The following TXLNB variants were observed in gnomAD, a reference collection of about 807,000 sequenced individuals.
TXLNB encodes the protein taxilin beta, also known as beta-taxilin.
A neutral mutation model predicts 57.4 loss-of-function variants in TXLNB; 37 were observed. That is an observed-to-expected ratio of 0.64 (90% CI 0.50 to 0.85). The LOEUF (loss-of-function observed/expected upper bound fraction) is 0.85, where lower values mean the gene tolerates loss of function less well. Among genes scored for constraint, TXLNB ranks in the 40% least tolerant of loss-of-function variants. TXLNB has a pLI of 0.00. For missense variants in TXLNB, 848 were observed against 825.6 expected (o/e 1.03, Z -0.33); for synonymous variants, 302 against 309.6 (o/e 0.98, Z 0.26).
chr6:139,200,083 G>A, the TXLNB span: 1 of 152,164 alleles, frequency 6.6e-6, no homozygotes, highest in Non-Finnish European at 1.5e-5. Context: ...ATTCCTGGAA[G>A]ATATGGGACT....
chr6:139,283,525 G>A (rs7749757), intron 2 of TXLNB, among the ~76,000 whole-genome samples: 31,604 of 137,794 alleles, frequency 0.23, 7,361 homozygotes, highest in African/African-American at 0.47. Context: ...GTGGTGAGCC[G>A]AGATCGCACC....
the TXLNB span, among the ~76,000 whole-genome samples, chr6:139,301,472 C>CA: frequency 6.6e-6 from 1 of 152,316 alleles, no homozygotes; most frequent in South Asian, 2.1e-4. Context: ...AGCTACCTTC[C>CA]TATGAAGTCC....
At chr6:139,316,474 C>G in the TXLNB span, among the ~76,000 whole-genome samples, 1 of 151,712 alleles carries the variant, frequency 6.6e-6, no homozygotes, top group Non-Finnish European at 1.5e-5. Flanking sequence ...TTTTTCTTAT[C>G]ACAGACCCTC....
At chr6:139,299,792 C>A in the TXLNB span, among the ~76,000 whole-genome samples, 48 of 151,992 alleles carry the variant, frequency 3.2e-4, 1 homozygote, top group Non-Finnish European at 5.6e-4. Flanking sequence ...CTAGAGCCAC[C>A]CTGATCTGTC....
At chr6:139,305,202 T>C in the TXLNB span, among the ~76,000 whole-genome samples, 1 of 152,188 alleles carries the variant, frequency 6.6e-6, no homozygotes, top group Non-Finnish European at 1.5e-5. Flanking sequence ...ACAACTTTGG[T>C]AGTGGTAGTC....
At chr6:139,313,229 T>C in the TXLNB span, among the ~76,000 whole-genome samples, 2 of 152,072 alleles carry the variant, frequency 1.3e-5, no homozygotes, top group Non-Finnish European at 2.9e-5. Flanking sequence ...CGTGCCACCA[T>C]GCCCGGCTAA....
Position 139,262,678 on chromosome 6 carries a change from G to A in TXLNB, c.783C>T (p.Ile261=), listed in dbSNP as rs145378382. The part of the protein sequence containing the change: ...QSTLTDIQGQ[I]EQQSERNMKL... ...TCATATTTCGCTCACTCTGCTGCTC[G>A]ATCTGGCCCTGGATGTCCGTGAGGG... The change falls in exon 5 of 10, where the codon ATC becomes ATT. Residue 261 remains isoleucine (I), a synonymous_variant. Coordinates refer to ENST00000358430, the MANE Select transcript of TXLNB (RefSeq NM_153235.4). 1.1e-3 allele frequency: 1,771 copies of A among 1,614,160 alleles called. 2 individuals carry two copies. Among genetic ancestry groups the A allele is most frequent in the Non-Finnish European group, 1.4e-3 (1,670 of 1,180,014 alleles).
the TXLNB span, among the ~76,000 whole-genome samples, chr6:139,315,062 G>A: frequency 6.6e-6 from 1 of 152,230 alleles, no homozygotes; most frequent in African/African-American, 2.4e-5. Flanking sequence ...ATCAGTGCCT[G>A]AGATATTTTG....
Position 139,255,652 on chromosome 6 carries a change from G to T in TXLNB, c.1003-14C>A. The T allele has an allele frequency of 6.2e-7, 1 of 1,609,936 alleles. No individual in the cohort carries two copies. Among genetic ancestry groups the T allele is most frequent in the South Asian group, 1.1e-5 (1 of 90,710 alleles). On this transcript the variant is annotated splice_polypyrimidine_tract_variant and intron_variant, in intron 6 of 9. Transcript: ENST00000358430. The stretch of plus-strand genomic sequence containing the variant: ...CTGGTTCAGCAACTATGAGAAGAGA[G>T]AGTGTGTGGAAAGATGGTCAGATTT...
chr6:139,313,293 C>T, the TXLNB span, among the ~76,000 whole-genome samples: 1,737 of 152,230 alleles, frequency 0.011, 31 homozygotes, highest in African/African-American at 0.038. Context: ...AGGATGGTCT[C>T]GATCTCCTGA....
the TXLNB span, among the ~76,000 whole-genome samples, chr6:139,232,336 C>T: frequency 1.1e-4 from 17 of 152,292 alleles, no homozygotes; most frequent in African/African-American, 3.9e-4. Context: ...AATCACATTC[C>T]ACCGGGTCCC....
At chr6:139,166,811 G>A in the TXLNB span, 1 of 1,613,700 alleles carries the variant, frequency 6.2e-7, no homozygotes, top group Non-Finnish European at 8.5e-7. Flanking sequence ...TTCCCCCGGT[G>A]GCTCCCCGGG....
the TXLNB span, among the ~76,000 whole-genome samples, chr6:139,190,584 C>T: frequency 2.1e-4 from 32 of 152,158 alleles, no homozygotes; most frequent in African/African-American, 7.5e-4. Context: ...GCTGGGATTA[C>T]AGGAGTGAGC....
At position 139,291,944 on chromosome 6, in the gene TXLNB, AAG is replaced by A. The variant is rs1777308448; in HGVS notation, c.-40_-39del. The A allele has an allele frequency of 6.5e-6, 1 of 152,738 alleles. No individual in the cohort carries two copies. Among genetic ancestry groups the A allele is most frequent in the African/African-American group, 2.4e-5 (1 of 41,446 alleles). The allele number at this position is 152,738 out of a possible 1,614,324, so 9.5% of individuals were successfully genotyped here. A position where few individuals can be genotyped will look rare whatever the true frequency, so the allele number is the denominator to read the frequency against. On this transcript the variant is annotated 5_prime_UTR_variant, in exon 1 of 10. Transcript: ENST00000358430. ...ACCAGAAGGCAAGAAGCTAAGCAAG[AAG>A]AGAGAGGAGAGGAAGGAGGCAGGAA...
the TXLNB span, among the ~76,000 whole-genome samples, chr6:139,208,290 G>A: frequency 6.6e-6 from 1 of 152,082 alleles, no homozygotes; most frequent in Non-Finnish European, 1.5e-5. Flanking sequence ...CAATGAGATT[G>A]AATCAGTAAT....
At chr6:139,244,151 A>T (rs929458772) in intron 9 of TXLNB, among the ~76,000 whole-genome samples, 2 of 152,230 alleles carry the variant, frequency 1.3e-5, no homozygotes, top group Non-Finnish European at 2.9e-5. Context: ...AGATATCTCC[A>T]TATCTGTTTA....
rs1303218470 is a variant in TXLNB at position 139,241,617 on chromosome 6, G to A, written c.*909C>T. 4.6e-5 allele frequency: 7 copies of A among 152,218 alleles called. No individual in the cohort carries two copies. The highest frequency in any genetic ancestry group is 4.6e-4 in the Admixed American group (7 of 15,268). The allele number at this position is 152,218 out of a possible 1,614,324, so 9.4% of individuals were successfully genotyped here. On this transcript the variant is annotated 3_prime_UTR_variant, in exon 10 of 10. Coordinates refer to ENST00000358430, the MANE Select transcript of TXLNB (RefSeq NM_153235.4). ...CACATGAGGGGGTGGCAAAGCAATG[G>A]GCTGAGAAGTGTAGGAGAAGCAGCT...
the TXLNB span, among the ~76,000 whole-genome samples, chr6:139,195,152 TC>T: frequency 6.6e-6 from 1 of 152,158 alleles, no homozygotes; most frequent in African/African-American, 2.4e-5. Flanking sequence ...CATGGCCCCT[TC>T]CCCCATCTTG....
At chr6:139,256,345 TTGAGAC>T (rs1776339484) in intron 6 of TXLNB, among the ~76,000 whole-genome samples, 2 of 152,232 alleles carry the variant, frequency 1.3e-5, no homozygotes, top group South Asian at 4.1e-4. Flanking sequence ...TTTTTTTTCT[TTGAGAC>T]GGAGTTTCTC....
Sources: allele counts gnomAD v4.1 joint callset (sites outside exome capture counted in the v4.1 genomes callset), GRCh38; gene constraint gnomAD v4.1.1; transcripts MANE v1.5; gene names NCBI Gene and HGNC (gene_info 2026-07-23, HGNC 2026-07-21).